Variants in SUCLG2 observed in about 807,000 individuals in gnomAD.
SUCLG2 encodes the protein succinate-CoA ligase GDP-forming subunit beta, also known as succinate--CoA ligase [GDP-forming] subunit beta, mitochondrial.
A neutral mutation model predicts 47.9 loss-of-function variants in SUCLG2; 42 were observed. The ratio of observed to expected loss-of-function variants is 0.88; its 90% confidence interval spans 0.69 to 1.14. The LOEUF is 1.14. Among genes scored for constraint, SUCLG2 ranks in the 50% most tolerant of loss-of-function variants. The pLI, the probability that SUCLG2 is intolerant of heterozygous loss-of-function variation, is 0.00. For synonymous variants in SUCLG2, 195 were observed against 197.3 expected, an observed-to-expected ratio of 0.99 and a Z score of 0.10; for missense variants, 571 against 525.9, an observed-to-expected ratio of 1.09 and a Z score of -0.84.
At chr3:67,440,318 C>G (rs542522365) in intron 9 of SUCLG2, among the ~76,000 whole-genome samples, 1 of 152,016 alleles carries the variant, frequency 6.6e-6, no homozygotes, top group Non-Finnish European at 1.5e-5. Context: ...GACATAGGCA[C>G]GGGCAAAGAC....
At chr3:67,363,648 A>AT (rs1172088721) in intron 10 of SUCLG2, among the ~76,000 whole-genome samples, 1 of 152,200 alleles carries the variant, frequency 6.6e-6, no homozygotes, top group Non-Finnish European at 1.5e-5. Context: ...GTTCTGAGAG[A>AT]TTTTTATTTC....
At chr3:67,602,324 T>C (rs1454739503) in intron 2 of SUCLG2, among the ~76,000 whole-genome samples, 3 of 152,192 alleles carry the variant, frequency 2.0e-5, no homozygotes, top group Admixed American at 6.5e-5. Flanking sequence ...AGTTAAGGCA[T>C]TGAGTTTCAA....
At chr3:67,594,336 G>C (rs1479857810) in intron 2 of SUCLG2, among the ~76,000 whole-genome samples, 1 of 152,158 alleles carries the variant, frequency 6.6e-6, no homozygotes, top group East Asian at 1.9e-4. Flanking sequence ...CAACCCATTT[G>C]CCAGACCTCA....
chr3:67,567,640 A>G (rs748971025), intron 2 of SUCLG2, among the ~76,000 whole-genome samples: 13 of 152,176 alleles, frequency 8.5e-5, no homozygotes, highest in Non-Finnish European at 1.2e-4. Flanking sequence ...TTTGGCAACC[A>G]CTATATTCAA....
intron 2 of SUCLG2, among the ~76,000 whole-genome samples, chr3:67,570,791 A>C (rs1012371722): frequency 9.9e-5 from 15 of 152,096 alleles, no homozygotes; most frequent in Admixed American, 2.6e-4. Flanking sequence ...GAATCCTCCT[A>C]AACTCCAACT....
chr3:67,479,316 C>T (rs1242196669), intron 9 of SUCLG2, among the ~76,000 whole-genome samples: 2 of 150,904 alleles, frequency 1.3e-5, no homozygotes, highest in East Asian at 3.9e-4. Context: ...CAAAAGAAAA[C>T]ATTAAATTCT....
At chr3:67,437,829 A>T (rs1400044166) in intron 9 of SUCLG2, among the ~76,000 whole-genome samples, 3 of 152,158 alleles carry the variant, frequency 2.0e-5, no homozygotes, top group Admixed American at 1.3e-4. Context: ...AGCCACTATG[A>T]AATATCACTT....
chr3:67,422,089 G>A (rs978991088), intron 9 of SUCLG2, among the ~76,000 whole-genome samples: 3 of 152,118 alleles, frequency 2.0e-5, no homozygotes, highest in African/African-American at 7.2e-5. Context: ...AGCCCTACCT[G>A]AGTCTCAGAG....
chr3:67,474,116 C>T (rs1437675307), intron 9 of SUCLG2, among the ~76,000 whole-genome samples: 2 of 151,950 alleles, frequency 1.3e-5, no homozygotes, highest in Non-Finnish European at 2.9e-5. Context: ...CAAAATTATC[C>T]GGGCATGGTG....
chr3:67,371,261 C>A (rs1314655989), downstream of SUCLG2, among the ~76,000 whole-genome samples: 1 of 152,138 alleles, frequency 6.6e-6, no homozygotes, highest in Admixed American at 6.6e-5. Flanking sequence ...CTGGCATATA[C>A]AATTTAATTA....
chr3:67,564,333 T>C (rs1340163089), intron 2 of SUCLG2, among the ~76,000 whole-genome samples: 1 of 152,130 alleles, frequency 6.6e-6, no homozygotes, highest in Non-Finnish European at 1.5e-5. Context: ...TCGCTATTAA[T>C]AGTACTCACT....
chr3:67,381,237 CAG>C (rs1427314258), intron 10 of SUCLG2, among the ~76,000 whole-genome samples: 2 of 151,632 alleles, frequency 1.3e-5, no homozygotes, highest in African/African-American at 4.8e-5. Context: ...AGTAAAACAG[CAG>C]AGAGTGGAAA....
intron 9 of SUCLG2, among the ~76,000 whole-genome samples, chr3:67,459,817 T>G (rs182827639): frequency 6.6e-4 from 100 of 152,254 alleles, no homozygotes; most frequent in Middle Eastern, 3.4e-3. Flanking sequence ...CAGATGCCTT[T>G]GGTTTGTCTC....
chr3:67,472,861 A>G (rs1478772808), intron 9 of SUCLG2, among the ~76,000 whole-genome samples: 1 of 150,224 alleles, frequency 6.7e-6, no homozygotes, highest in African/African-American at 2.5e-5. Context: ...GTATACTACT[A>G]AACGTATCTA....
intron 9 of SUCLG2, among the ~76,000 whole-genome samples, chr3:67,402,495 G>C (rs896524102): frequency 6.6e-6 from 1 of 152,360 alleles, no homozygotes; most frequent in Non-Finnish European, 1.5e-5. Context: ...ACTATTCACA[G>C]TAGGACAACT....
At chr3:67,478,776 CAGAA>C (rs982454254) in intron 9 of SUCLG2, among the ~76,000 whole-genome samples, 2 of 152,198 alleles carry the variant, frequency 1.3e-5, no homozygotes, top group African/African-American at 4.8e-5. Context: ...GTTCCTGAGA[CAGAA>C]GGAAGAGAAT....
At chr3:67,609,027 G>A (rs981718375) in intron 2 of SUCLG2, among the ~76,000 whole-genome samples, 1 of 152,150 alleles carries the variant, frequency 6.6e-6, no homozygotes, top group Non-Finnish European at 1.5e-5. Context: ...GAGTGATCCT[G>A]GCGGAACTGA....
At chr3:67,588,411 C>G (rs1031345082) in intron 2 of SUCLG2, among the ~76,000 whole-genome samples, 2 of 152,118 alleles carry the variant, frequency 1.3e-5, no homozygotes. Flanking sequence ...ATCTGACACC[C>G]CAACTGTTTC....
At chr3:67,381,548 T>G (rs1322552761) in intron 10 of SUCLG2, among the ~76,000 whole-genome samples, 4 of 152,220 alleles carry the variant, frequency 2.6e-5, no homozygotes, top group Non-Finnish European at 2.9e-5. Context: ...ATGGTGCTAC[T>G]GACATGTTCT....
Sources: allele counts gnomAD v4.1 joint callset (sites outside exome capture counted in the v4.1 genomes callset), GRCh38; gene constraint gnomAD v4.1.1; transcripts MANE v1.5; gene names NCBI Gene and HGNC (gene_info 2026-07-23, HGNC 2026-07-21).